Variants in PCLO observed in about 807,000 individuals in gnomAD.
The protein encoded by PCLO is protein piccolo.
PCLO carries 82 observed loss-of-function variants against 427.5 expected under a neutral mutation model. The observed-to-expected ratio is 0.19, with a 90% CI of 0.16 to 0.23. The LOEUF is 0.23. Ranked by LOEUF, PCLO falls within the 10% of genes least tolerant of loss-of-function variation. PCLO has a pLI of 1.00. For synonymous variants in PCLO, 2,357 were observed against 2,155.4 expected (o/e 1.09, Z -2.59); for missense variants, 6,239 against 6,115.9 (o/e 1.02, Z -0.67).
chr7:83,057,666 C>A (rs1789436365), intron 3 of PCLO, among the ~76,000 whole-genome samples: 1 of 151,562 alleles, frequency 6.6e-6, no homozygotes, highest in African/African-American at 2.4e-5. Flanking sequence ...CGGCCTCTAT[C>A]ATTTTTAAAT....
chr7:82,971,627 A>AT, intron 3 of PCLO, among the ~76,000 whole-genome samples: 1 of 147,764 alleles, frequency 6.8e-6, no homozygotes, highest in Non-Finnish European at 1.5e-5. Context: ...GTATAGATAT[A>AT]TATGATAAAA....
chr7:82,977,749 G>C (rs542161237), intron 3 of PCLO, among the ~76,000 whole-genome samples: 4 of 151,994 alleles, frequency 2.6e-5, no homozygotes, highest in African/African-American at 9.7e-5. Flanking sequence ...GGGGCACAAA[G>C]AATAACTTTA....
chr7:83,141,395 G>T (rs1281098468), intron 2 of PCLO, among the ~76,000 whole-genome samples: 1 of 152,202 alleles, frequency 6.6e-6, no homozygotes, highest in Non-Finnish European at 1.5e-5. Context: ...CTTACAGAAG[G>T]TGCATAAATG....
At chr7:83,089,769 C>T (rs546367136) in intron 3 of PCLO, among the ~76,000 whole-genome samples, 1 of 152,190 alleles carries the variant, frequency 6.6e-6, no homozygotes, top group East Asian at 1.9e-4. Context: ...ATCACTGAGG[C>T]AAAACATGGG....
intron 16 of PCLO, among the ~76,000 whole-genome samples, chr7:82,830,393 C>T (rs1053448908): frequency 1.3e-5 from 2 of 151,428 alleles, no homozygotes; most frequent in Non-Finnish European, 3.0e-5. Flanking sequence ...TTAGTGTCTA[C>T]AAAAAAGTGT....
intron 3 of PCLO, among the ~76,000 whole-genome samples, chr7:82,990,325 A>G (rs993410989): frequency 6.6e-6 from 1 of 152,158 alleles, no homozygotes; most frequent in Non-Finnish European, 1.5e-5. Flanking sequence ...ATGGCTTACT[A>G]AAATGTGTGG....
chr7:83,036,206 A>C (rs115283179), intron 3 of PCLO, among the ~76,000 whole-genome samples: 78 of 152,268 alleles, frequency 5.1e-4, no homozygotes, highest in African/African-American at 1.8e-3. Flanking sequence ...AGTGGTTCTC[A>C]AACTTGACTG....
At chr7:83,161,351 G>A (rs181014402) in intron 1 of PCLO, among the ~76,000 whole-genome samples, 6 of 152,122 alleles carry the variant, frequency 3.9e-5, no homozygotes, top group Non-Finnish European at 5.9e-5. Flanking sequence ...TCATAAAAGA[G>A]GAATTGTTTC....
rs372736638 is a variant in PCLO, at chr7:83,139,784, G to A, written c.1894-4128C>T. Among the ~76,000 whole-genome samples, 12 of 152,150 alleles carry A rather than the reference G, an allele frequency of 7.9e-5. 1 individual carries two copies. Among genetic ancestry groups the A allele is most frequent in the Admixed American group, 4.6e-4 (7 of 15,278 alleles). On this transcript the variant is annotated intron_variant, in intron 2 of 24. Coordinates refer to ENST00000333891, the MANE Select transcript of PCLO (RefSeq NM_033026.6). ...ACATTCACCCTCATTGCTAGAATACGGGTTGAAATCATTATCTACGGCTAG... is the reference window on the plus strand; with the variant it reads ...ACATTCACCCTCATTGCTAGAATACAGGTTGAAATCATTATCTACGGCTAG...
chr7:82,909,909 A>T (rs928995728), intron 7 of PCLO, among the ~76,000 whole-genome samples: 24 of 152,094 alleles, frequency 1.6e-4, no homozygotes, highest in Non-Finnish European at 3.4e-4. Context: ...TTGAAAATGC[A>T]ACTATATTTA....
intron 2 of PCLO, among the ~76,000 whole-genome samples, chr7:83,146,070 T>C (rs1235637685): frequency 3.3e-5 from 5 of 152,226 alleles, no homozygotes; most frequent in African/African-American, 1.2e-4. Context: ...GAAATGCATA[T>C]AAAGTGCTTC....
chr7:83,123,865 G>T, intron 3 of PCLO, among the ~76,000 whole-genome samples: 1 of 143,604 alleles, frequency 7.0e-6, no homozygotes, highest in East Asian at 2.2e-4. Flanking sequence ...TCCGAGGCCA[G>T]TGGATCACCT....
chr7:82,978,461 T>C (rs1796072909), intron 3 of PCLO, among the ~76,000 whole-genome samples: 1 of 152,122 alleles, frequency 6.6e-6, no homozygotes, highest in African/African-American at 2.4e-5. Context: ...GACTCTGAAG[T>C]TGTTTAAATC....
chr7:82,785,753 G>A (rs2129468259), intron 22 of PCLO, among the ~76,000 whole-genome samples: 1 of 152,216 alleles, frequency 6.6e-6, no homozygotes, highest in African/African-American at 2.4e-5. Flanking sequence ...CAAGCATTTT[G>A]GGAATGGGTG....
At chr7:82,812,470 T>A (rs1366524457) in intron 20 of PCLO, among the ~76,000 whole-genome samples, 1 of 151,502 alleles carries the variant, frequency 6.6e-6, no homozygotes, top group Non-Finnish European at 1.5e-5. Flanking sequence ...GAAGTGATTT[T>A]GGAAGAAACC....
At chr7:83,131,552 T>C (rs1253379694) in intron 3 of PCLO, among the ~76,000 whole-genome samples, 1 of 151,922 alleles carries the variant, frequency 6.6e-6, no homozygotes, top group Non-Finnish European at 1.5e-5. Flanking sequence ...CAGCAACCAG[T>C]ATAGGAGAAG....
chr7:82,912,368 A>T (rs1333947119), intron 7 of PCLO, among the ~76,000 whole-genome samples: 1 of 151,870 alleles, frequency 6.6e-6, no homozygotes, highest in Admixed American at 6.6e-5. Context: ...GAAGAAAAAT[A>T]GTATGCTTAT....
chr7:82,862,336 T>C (rs1354267229), intron 10 of PCLO, among the ~76,000 whole-genome samples: 1 of 151,828 alleles, frequency 6.6e-6, no homozygotes, highest in Non-Finnish European at 1.5e-5. Flanking sequence ...AGAGAACCCT[T>C]GTTCACTGTT....
intron 3 of PCLO, among the ~76,000 whole-genome samples, chr7:82,968,614 G>C (rs570330606): frequency 1.1e-4 from 17 of 150,968 alleles, no homozygotes; most frequent in African/African-American, 3.9e-4. Flanking sequence ...CTGCCGCCCG[G>C]GTTCAAGAAA....
Sources: allele counts gnomAD v4.1 joint callset (sites outside exome capture counted in the v4.1 genomes callset), GRCh38; gene constraint gnomAD v4.1.1; transcripts MANE v1.5; gene names NCBI Gene and HGNC (gene_info 2026-07-23, HGNC 2026-07-21).